The following PTPRD variants were observed in gnomAD, a reference collection of about 807,000 sequenced individuals.
PTPRD encodes the protein receptor-type tyrosine-protein phosphatase delta.
Under a neutral mutation model 214.5 loss-of-function variants are expected in PTPRD, and 34 were observed. That is an observed-to-expected ratio of 0.16 (90% CI 0.12 to 0.21). The LOEUF (loss-of-function observed/expected upper bound fraction) is 0.21, where lower values mean the gene tolerates loss of function less well. Ranked by LOEUF, PTPRD falls within the 10% of genes least tolerant of loss-of-function variation. The pLI is 1.00. For synonymous variants in PTPRD, 1,128 were observed against 845.7 expected (o/e 1.33, Z -5.79); for missense variants, 2,545 against 2,398.7 (o/e 1.06, Z -1.27).
At chr9:8,566,100 ATGTGTGTGTGTG>A (rs139478736) in intron 14 of PTPRD, among the ~76,000 whole-genome samples, 295 of 137,920 alleles carry the variant, frequency 2.1e-3, no homozygotes, top group African/African-American at 7.0e-3. Flanking sequence ...AATGCAAAAT[ATGTGTGTGTGTG>A]TGTGTGTGTG....
At chr9:9,326,911 T>C (rs1360486531) in intron 9 of PTPRD, among the ~76,000 whole-genome samples, 3 of 152,170 alleles carry the variant, frequency 2.0e-5, no homozygotes, top group Non-Finnish European at 2.9e-5. Flanking sequence ...CAGAAGCTAA[T>C]TACCTATGTA....
At chr9:9,388,919 T>C (rs2064848717) in intron 9 of PTPRD, among the ~76,000 whole-genome samples, 1 of 152,168 alleles carries the variant, frequency 6.6e-6, no homozygotes. Context: ...GTGGGCATTT[T>C]AATCAGGATC....
intron 4 of PTPRD, among the ~76,000 whole-genome samples, chr9:10,023,320 A>G (rs1214626358): frequency 6.6e-6 from 1 of 152,192 alleles, no homozygotes; most frequent in East Asian, 1.9e-4. Context: ...CCATTGGGAA[A>G]GGAACCTGGG....
At chr9:9,239,714 G>A (rs1428479794) in intron 9 of PTPRD, among the ~76,000 whole-genome samples, 3 of 152,250 alleles carry the variant, frequency 2.0e-5, no homozygotes, top group Non-Finnish European at 4.4e-5. Context: ...TAGCACCTGG[G>A]CTGCTAGCCA....
chr9:9,874,795 C>CAAAT (rs1565929259), intron 5 of PTPRD, among the ~76,000 whole-genome samples: 1 of 152,114 alleles, frequency 6.6e-6, no homozygotes, highest in Non-Finnish European at 1.5e-5. Context: ...CATTTGGAAA[C>CAAAT]GTATGTAGGA....
chr9:10,439,214 G>T (rs2098742684), intron 2 of PTPRD, among the ~76,000 whole-genome samples: 1 of 149,690 alleles, frequency 6.7e-6, no homozygotes, highest in African/African-American at 2.5e-5. Context: ...GGCATGTTTT[G>T]TGTCACTCAC....
chr9:10,145,108 T>C (rs1049741436), intron 3 of PTPRD, among the ~76,000 whole-genome samples: 14 of 152,138 alleles, frequency 9.2e-5, no homozygotes, highest in Non-Finnish European at 1.0e-4. Flanking sequence ...AGTTACCCTG[T>C]GACAATGAAT....
chr9:8,645,624 TGACA>T (rs1272454164), intron 12 of PTPRD, among the ~76,000 whole-genome samples: 3 of 151,900 alleles, frequency 2.0e-5, no homozygotes, highest in South Asian at 4.1e-4. Context: ...ATAGGCACAC[TGACA>T]GACAGGAACA....
At chr9:9,306,653 C>T (rs972030911) in intron 9 of PTPRD, among the ~76,000 whole-genome samples, 8 of 150,062 alleles carry the variant, frequency 5.3e-5, no homozygotes, top group African/African-American at 7.4e-5. Flanking sequence ...TGAAGGCACA[C>T]ATTTTTAGGG....
At chr9:9,219,628 A>G (rs1487274603) in intron 9 of PTPRD, among the ~76,000 whole-genome samples, 1 of 152,106 alleles carries the variant, frequency 6.6e-6, no homozygotes, top group African/African-American at 2.4e-5. Context: ...GCAAAGGAAA[A>G]CTCTTCGAAT....
chr9:10,009,920 T>C (rs1429382356), intron 4 of PTPRD, among the ~76,000 whole-genome samples: 2 of 151,912 alleles, frequency 1.3e-5, no homozygotes, highest in African/African-American at 4.8e-5. Flanking sequence ...TGGTCAGTTG[T>C]GCCTGAATTC....
chr9:9,614,966 A>C (rs560578444), intron 7 of PTPRD, among the ~76,000 whole-genome samples: 10 of 152,252 alleles, frequency 6.6e-5, no homozygotes, highest in Non-Finnish European at 1.0e-4. Context: ...AGGTGATGTT[A>C]AGCTTTCTCA....
chr9:8,705,073 T>C (rs984528803), intron 12 of PTPRD, among the ~76,000 whole-genome samples: 1 of 152,186 alleles, frequency 6.6e-6, no homozygotes, highest in African/African-American at 2.4e-5. Context: ...AGCCTCTCCT[T>C]ATATTACTGC....
chr9:10,379,648 A>G (rs970194013), intron 2 of PTPRD, among the ~76,000 whole-genome samples: 3 of 152,230 alleles, frequency 2.0e-5, no homozygotes, highest in Admixed American at 6.5e-5. Flanking sequence ...GTTAAAAAGT[A>G]TAACAGTTCA....
At chr9:10,019,393 G>C (rs1353449233) in intron 4 of PTPRD, among the ~76,000 whole-genome samples, 3 of 152,086 alleles carry the variant, frequency 2.0e-5, no homozygotes, top group African/African-American at 7.2e-5. Flanking sequence ...TCTAGAACTA[G>C]AAATACCATT....
chr9:8,696,136 C>A (rs576270417), intron 12 of PTPRD, among the ~76,000 whole-genome samples: 1 of 152,230 alleles, frequency 6.6e-6, no homozygotes, highest in African/African-American at 2.4e-5. Flanking sequence ...GGTTGAGGAC[C>A]AAACACCACC....
chr9:10,524,899 G>A (rs2053740343), intron 2 of PTPRD, among the ~76,000 whole-genome samples: 1 of 151,054 alleles, frequency 6.6e-6, no homozygotes, highest in Non-Finnish European at 1.5e-5. Flanking sequence ...GGGGTAAATT[G>A]TAAAAACAAA....
At chr9:9,200,891 A>C (rs556413983) in intron 9 of PTPRD, among the ~76,000 whole-genome samples, 4 of 152,302 alleles carry the variant, frequency 2.6e-5, no homozygotes, top group African/African-American at 9.6e-5. Context: ...TTTCCTCTCT[A>C]TTGTAGAAAT....
intron 9 of PTPRD, among the ~76,000 whole-genome samples, chr9:9,370,767 T>C (rs1226424089): frequency 4.6e-5 from 7 of 152,282 alleles, no homozygotes; most frequent in East Asian, 1.9e-4. Flanking sequence ...ATAGCTCTTA[T>C]TATTTTGAGA....
Sources: gnomAD v4.1 joint callset for allele counts (sites outside exome capture counted in the v4.1 genomes callset) on GRCh38, gnomAD v4.1.1 for gene constraint, MANE v1.5 for transcripts, NCBI Gene and HGNC (gene_info 2026-07-23, HGNC 2026-07-21) for gene names.